The following UBR4 variants were observed in gnomAD, a reference collection of about 807,000 sequenced individuals.
UBR4 encodes the protein E3 ubiquitin-protein ligase UBR4.
In UBR4, 124 loss-of-function variants were observed where a neutral mutation model predicts 575.6. That is an observed-to-expected ratio of 0.22 (90% CI 0.19 to 0.25). The LOEUF is 0.25. Among genes scored for constraint, UBR4 ranks in the 10% least tolerant of loss-of-function variants. The pLI, the probability that UBR4 is intolerant of heterozygous loss-of-function variation, is 1.00. For synonymous variants in UBR4, 2,455 were observed against 2,473.7 expected (o/e 0.99, Z 0.22); for missense variants, 4,818 against 6,478.8 (o/e 0.74, Z 8.80).
Position 19,197,269 on chromosome 1 carries a change from G to C in UBR4, c.894-4C>G, listed in dbSNP as rs1016227850. Reference sequence around the variant, plus strand: ...ATCAATCACCAATGAATGAAAGCTGGAACATGACAGAGATCAACAAGTGTC... The same window carrying C: ...ATCAATCACCAATGAATGAAAGCTGCAACATGACAGAGATCAACAAGTGTC... On this transcript the variant is annotated splice_region_variant and splice_polypyrimidine_tract_variant and intron_variant, in intron 7 of 105. Coordinates refer to ENST00000375254, the MANE Select transcript of UBR4 (RefSeq NM_020765.3). 2 of 1,613,932 alleles carry C rather than the reference G, an allele frequency of 1.2e-6. No individual in the cohort carries two copies. Among genetic ancestry groups the C allele is most frequent in the Non-Finnish European group, 1.7e-6 (2 of 1,179,986 alleles).
rs755527824 is a variant in UBR4, at chr1:19,141,452, C to T, written c.8383G>A (p.Ala2795Thr). Residue 2795 changes from alanine (A) to threonine (T), a missense_variant, in exon 57 of 106, where the codon GCA (alanine) becomes ACA (threonine). Coordinates refer to ENST00000375254, the MANE Select transcript of UBR4 (RefSeq NM_020765.3). ...GNPSPLEALL[A>T]GAEGFPPMLD... ...ATGGGGGGGAAGCCCTCTGCGCCTG[C>T]CAGCAGGGCCTCCAGGGGAGAGGGG... 104 of 1,614,050 alleles carry T rather than the reference C, an allele frequency of 6.4e-5. No homozygotes were observed. Among genetic ancestry groups the T allele is most frequent in the Non-Finnish European group, 8.6e-5 (101 of 1,179,994 alleles).
In UBR4 at chr1:19,117,801, T is replaced by C. The variant is rs780461303; in HGVS notation, c.10629+22A>G. ...ACTGGACCTATTGGCCTCAGGACTGTCCATGTACAGATGTTACTTACACAG... is the reference window on the plus strand; with the variant it reads ...ACTGGACCTATTGGCCTCAGGACTGCCCATGTACAGATGTTACTTACACAG... On this transcript the variant is annotated intron_variant, in intron 72 of 105. Transcript: ENST00000375254. The surrounding 1 kb of genome is among the most constrained non-coding windows in gnomAD (Gnocchi z 4.0). The C allele has an allele frequency of 1.2e-5, 19 of 1,610,610 alleles. No individual in the cohort carries two copies. Among genetic ancestry groups the C allele is most frequent in the South Asian group, 2.2e-5 (2 of 90,992 alleles).
At chr1:19,195,750 G>T (rs2092411121) in intron 8 of UBR4, among the ~76,000 whole-genome samples, 1 of 151,946 alleles carries the variant, frequency 6.6e-6, no homozygotes, top group Non-Finnish European at 1.5e-5. Context: ...TAGTTTCCCT[G>T]CCTCCAATAT....
chr1:19,146,294 C>T (rs140963495), intron 52 of UBR4, among the ~76,000 whole-genome samples: 6 of 152,176 alleles, frequency 3.9e-5, no homozygotes, highest in African/African-American at 1.4e-4. Context: ...AAAGGAGGAA[C>T]AGAATGATGA....
At position 19,084,548 on chromosome 1, in the gene UBR4, G is replaced by A; in HGVS notation, c.14964C>T (p.His4988=). The change falls in exon 102 of 106, where the codon CAC becomes CAT. Residue 4988 remains histidine, a synonymous_variant. Coordinates refer to ENST00000375254, the MANE Select transcript of UBR4 (RefSeq NM_020765.3). ...CAGTGTGAATGATGTACGGGATCAG[G>A]TGGATGTTGCTCTCCCGGCCGCCCC... ...TGGGGRESNI[H]LIPYIIHTVL... 1 of 1,614,130 alleles carries A rather than the reference G, an allele frequency of 6.2e-7. No individual in the cohort carries two copies. The highest frequency in any genetic ancestry group is 8.5e-7 in the Non-Finnish European group (1 of 1,179,998).
intron 62 of UBR4, 29 bp from the exon 63 acceptor site, chr1:19,127,768 C>G: frequency 6.3e-7 from 1 of 1,579,516 alleles, no homozygotes; most frequent in Non-Finnish European, 8.7e-7. Flanking sequence ...GTCCAGAAAC[C>G]TCTACTTACT....
Position 19,094,078 on chromosome 1 carries a change from C to A in UBR4, c.13808G>T (p.Ser4603Ile). 6.2e-7 allele frequency: 1 copy of A among 1,614,054 alleles called. No individual in the cohort carries two copies. The highest frequency in any genetic ancestry group is 8.5e-7 in the Non-Finnish European group (1 of 1,179,994). ...ACTGGGGTTGGAGCGAACAAAGGTGCTGTTGATCTGGTCCAAGAGCATCAC... is the reference window on the plus strand; with the variant it reads ...ACTGGGGTTGGAGCGAACAAAGGTGATGTTGATCTGGTCCAAGAGCATCAC... ...QLVMLLDQIN[S>I]TFVRSNPSVL... The change falls in exon 95 of 106, where the codon AGC (serine) becomes ATC (isoleucine). Residue 4603 changes from serine (S) to isoleucine (I), a missense_variant. Physicochemically the swap from Ser to Ile is moderately radical, Grantham distance 142. Around this residue, in one of 29 missense-constraint regions of UBR4, gnomAD observed 165 missense variants for 282.3 expected, o/e 0.58. Transcript: ENST00000375254.
chr1:19,114,781 G>A (rs1358729042), intron 75 of UBR4, 30 bp downstream of exon 75: 2 of 1,612,958 alleles, frequency 1.2e-6, no homozygotes, highest in East Asian at 2.2e-5. Flanking sequence ...CAAGGCCACA[G>A]CCCTGAGTCT....
chr1:19,188,986 A>T (rs1260933822), intron 11 of UBR4, among the ~76,000 whole-genome samples: 1 of 152,202 alleles, frequency 6.6e-6, no homozygotes, highest in Non-Finnish European at 1.5e-5. Context: ...AATAATAAAA[A>T]AATTAAAAAG....
intron 1 of UBR4, among the ~76,000 whole-genome samples, chr1:19,207,145 A>C (rs889022341): frequency 6.6e-6 from 1 of 152,240 alleles, no homozygotes; most frequent in Admixed American, 6.5e-5. Flanking sequence ...GAAAAAAACC[A>C]GGAAACTGCA....
chr1:19,113,121 C>T (rs2080084865), intron 77 of UBR4: 2 of 457,314 alleles, frequency 4.4e-6, no homozygotes, highest in South Asian at 6.5e-5. Context: ...CTCTTAACTC[C>T]CATGTAACAA....
chr1:19,172,104 A>G (rs1045804762), intron 25 of UBR4, among the ~76,000 whole-genome samples: 4 of 152,190 alleles, frequency 2.6e-5, no homozygotes, highest in Admixed American at 6.5e-5. Flanking sequence ...CATCATACAG[A>G]CCAAAGTCTA....
In UBR4 at chr1:19,162,517, T is replaced by C; in HGVS notation, c.4859A>G (p.His1620Arg). ...CCGCTCTTCCCCATCCACTGAGAGA[T>C]GACTTGGGCCTTGACCATTACTCTG... The part of the protein sequence containing the change: ...LSQSNGQGPS[H>R]LSVDGEERAI... Residue 1620 changes from histidine (H) to arginine (R), a missense_variant, in exon 35 of 106, where the codon CAT becomes CGT. Coordinates refer to ENST00000375254, the MANE Select transcript of UBR4 (RefSeq NM_020765.3). The C allele has an allele frequency of 6.2e-7, 1 of 1,614,198 alleles. No homozygotes were observed. Among genetic ancestry groups the C allele is most frequent in the South Asian group, 1.1e-5 (1 of 91,080 alleles).
intron 9 of UBR4, 61 bp from the exon 10 acceptor site, chr1:19,192,601 T>G: frequency 6.3e-7 from 1 of 1,575,596 alleles, no homozygotes; most frequent in Non-Finnish European, 8.7e-7. Flanking sequence ...TCATAAATGC[T>G]AAATCCTACC....
chr1:19,154,084 T>C, intron 44 of UBR4, 145 bp from the exon 45 acceptor site: 2 of 925,848 alleles, frequency 2.2e-6, no homozygotes, highest in Non-Finnish European at 3.2e-6. Context: ...CAGGTTAGTT[T>C]TATTCCAAGC....
chr1:19,170,234 CA>C (rs1030211606), intron 26 of UBR4, among the ~76,000 whole-genome samples: 11 of 152,096 alleles, frequency 7.2e-5, no homozygotes, highest in African/African-American at 2.7e-4. Flanking sequence ...CTCATCTCTA[CA>C]AAAAAATTTA....
At chr1:19,145,500 A>G (rs1172522529) in intron 53 of UBR4, among the ~76,000 whole-genome samples, 1 of 88,896 alleles carries the variant, frequency 1.1e-5, no homozygotes. Flanking sequence ...ACAATTATAA[A>G]CCACTGAGAC....
intron 77 of UBR4, 109 bp from the exon 78 acceptor site, chr1:19,112,976 C>T (rs2080066286): frequency 8.8e-7 from 1 of 1,132,002 alleles, no homozygotes; most frequent in Non-Finnish European, 1.2e-6. Flanking sequence ...CATTATATAA[C>T]TTAATCTTCT....
At chr1:19,147,288 A>G (rs2085003582) in intron 51 of UBR4, among the ~76,000 whole-genome samples, 1 of 152,246 alleles carries the variant, frequency 6.6e-6, no homozygotes, top group Admixed American at 6.5e-5. Context: ...TCTTTCTCTT[A>G]CAATAGAAGA....
Sources: gnomAD v4.1 joint callset for allele counts (sites outside exome capture counted in the v4.1 genomes callset) on GRCh38, gnomAD v4.1.1 for gene constraint, gnomAD v4.1.1 regional missense constraint, Gnocchi (gnomAD v3.1) non-coding constraint, MANE v1.5 for transcripts, NCBI Gene and HGNC (gene_info 2026-07-23, HGNC 2026-07-21) for gene names.